The following PPM1E variants were observed in gnomAD, a reference collection of about 807,000 sequenced individuals.
PPM1E encodes protein phosphatase, Mg2+/Mn2+ dependent 1E, also known as protein phosphatase 1E.
Under a neutral mutation model 65.9 loss-of-function variants are expected in PPM1E, and 20 were observed. The ratio of observed to expected loss-of-function variants is 0.30; its 90% CI spans 0.21 to 0.44. The LOEUF is 0.44. Ranked by LOEUF, PPM1E falls within the 20% of genes least tolerant of loss-of-function variation. PPM1E has a pLI of 1.00. For missense variants in PPM1E, 713 were observed against 953.1 expected, an observed-to-expected ratio of 0.75 and a Z score of 3.32; for synonymous variants, 352 against 374.9, an observed-to-expected ratio of 0.94 and a Z score of 0.70.
chr17:58,880,094 A>C (rs922842159), intron 1 of PPM1E, among the ~76,000 whole-genome samples: 2 of 152,218 alleles, frequency 1.3e-5, no homozygotes, highest in African/African-American at 4.8e-5. Flanking sequence ...GTGAAAAAGC[A>C]GCTAAATTGT....
Position 58,755,936 on chromosome 17 carries a change from C to G in PPM1E, c.-62C>G. ...CCGGAGCCCTAGGCTCAAAAGCAGCCCCTTACCCTTCCTGGGCTTCCCCCA... is the reference window on the plus strand; with the variant it reads ...CCGGAGCCCTAGGCTCAAAAGCAGCGCCTTACCCTTCCTGGGCTTCCCCCA... On this transcript the variant is annotated 5_prime_UTR_variant, in exon 1 of 7. Coordinates refer to ENST00000308249, the MANE Select transcript of PPM1E (RefSeq NM_014906.5). The G allele has an allele frequency of 6.2e-7, 1 of 1,607,164 alleles. No homozygotes were observed.
At chr17:58,852,693 T>G (rs944595869) in intron 1 of PPM1E, among the ~76,000 whole-genome samples, 1 of 150,962 alleles carries the variant, frequency 6.6e-6, no homozygotes, top group Non-Finnish European at 1.5e-5. Flanking sequence ...AACTTCCACC[T>G]CCTGGGTTCA....
intron 1 of PPM1E, among the ~76,000 whole-genome samples, chr17:58,850,355 C>T (rs1207311342): frequency 6.6e-6 from 1 of 152,174 alleles, no homozygotes; most frequent in East Asian, 1.9e-4. Context: ...TTAGTTGATG[C>T]AGTTTCTTCC....
intron 1 of PPM1E, among the ~76,000 whole-genome samples, chr17:58,841,521 C>CTTT (rs34826804): frequency 2.0e-5 from 2 of 99,022 alleles, no homozygotes; most frequent in Non-Finnish European, 2.4e-5. Flanking sequence ...AAAACAAATA[C>CTTT]TTTTTTTTTT....
chr17:58,897,546 C>A (rs981167133), intron 1 of PPM1E, among the ~76,000 whole-genome samples: 2 of 152,170 alleles, frequency 1.3e-5, no homozygotes, highest in African/African-American at 4.8e-5. Context: ...CCCCATTCTG[C>A]AGACCATGGA....
chr17:58,868,034 G>A (rs139927571), intron 1 of PPM1E, among the ~76,000 whole-genome samples: 14 of 152,254 alleles, frequency 9.2e-5, no homozygotes, highest in African/African-American at 9.6e-5. Context: ...GTGTCATTAA[G>A]AGCTTGTGTT....
At chr17:58,910,812 T>G (rs2051618441) in intron 1 of PPM1E, among the ~76,000 whole-genome samples, 1 of 152,156 alleles carries the variant, frequency 6.6e-6, no homozygotes. Context: ...TCAGTTAGGC[T>G]CTGATAAACC....
chr17:58,967,049 C>T lies in PPM1E; in HGVS notation c.783+1156C>T, dbSNP rs144290926. On this transcript the variant is annotated intron_variant, in intron 3 of 6. Coordinates refer to ENST00000308249, the MANE Select transcript of PPM1E (RefSeq NM_014906.5). ...TCATATTTGGGGCATTGTTGTTGTT[C>T]GTTGACTTCCTTGGTTTCTGTTTTG... 4.5e-3 allele frequency among the ~76,000 whole-genome samples: 690 copies of T among 152,230 alleles called. 3 individuals are homozygous for T. Among genetic ancestry groups the T allele is most frequent in the African/African-American group, 0.016 (648 of 41,546 alleles).
intron 1 of PPM1E, among the ~76,000 whole-genome samples, chr17:58,805,964 AAAAAAAAAACAAAAAAAAAAC>A (rs2050304248): frequency 1.7e-5 from 2 of 115,220 alleles, no homozygotes; most frequent in Admixed American, 8.0e-5. Flanking sequence ...AAAAAAACAA[AAAAAAAAAACAAAAAAAAAAC>A]AAAACAAAAC....
chr17:58,941,724 G>T (rs985695072), intron 1 of PPM1E, among the ~76,000 whole-genome samples: 12 of 148,174 alleles, frequency 8.1e-5, no homozygotes, highest in Admixed American at 6.1e-4. Flanking sequence ...CTGGTCATAG[G>T]CCGGGCATGG....
At chr17:58,781,692 A>G (rs2050051237) in intron 1 of PPM1E, among the ~76,000 whole-genome samples, 1 of 151,872 alleles carries the variant, frequency 6.6e-6, no homozygotes, top group South Asian at 2.1e-4. Flanking sequence ...ACCTGAGGTC[A>G]GAGTTCCATA....
intron 6 of PPM1E, among the ~76,000 whole-genome samples, chr17:58,973,930 C>T (rs1397896212): frequency 9.6e-5 from 11 of 115,116 alleles, no homozygotes; most frequent in African/African-American, 3.1e-4. Flanking sequence ...CCAGGCTGGG[C>T]GACAGAGCGA....
At chr17:58,936,324 G>A (rs2051979807) in intron 1 of PPM1E, among the ~76,000 whole-genome samples, 1 of 152,250 alleles carries the variant, frequency 6.6e-6, no homozygotes, top group Middle Eastern at 3.4e-3. Context: ...TAACTGGGAT[G>A]AGGGGATGAT....
intron 1 of PPM1E, among the ~76,000 whole-genome samples, chr17:58,848,190 T>A (rs911087956): frequency 2.6e-5 from 4 of 152,154 alleles, no homozygotes; most frequent in African/African-American, 9.7e-5. Flanking sequence ...CGGTGGGGTT[T>A]TCTAAATATA....
In PPM1E at chr17:58,756,320, C is replaced by G; in HGVS notation, c.323C>G (p.Ala108Gly). ...EEEGAATAAA[A>G]PGHSAVPPPP... ...GAGGGCGCGGCGACGGCGGCGGCAG[C>G]CCCGGGGCACTCGGCCGTGCCGCCG... Residue 108 changes from alanine to glycine, a missense_variant, in exon 1 of 7, where the codon GCC becomes GGC. Coordinates refer to ENST00000308249, the MANE Select transcript of PPM1E (RefSeq NM_014906.5). The G allele has an allele frequency of 6.8e-7, 1 of 1,476,498 alleles. No individual in the cohort carries two copies. The highest frequency in any genetic ancestry group is 9.0e-7 in the Non-Finnish European group (1 of 1,116,738). 91.5% of individuals were successfully genotyped at this position (1,476,498 alleles called of 1,614,324 possible). A position where few individuals can be genotyped will look rare whatever the true frequency, so the allele number is the denominator to read the frequency against.
At chr17:58,892,495 C>T (rs2051360055) in intron 1 of PPM1E, among the ~76,000 whole-genome samples, 1 of 152,008 alleles carries the variant, frequency 6.6e-6, no homozygotes, top group South Asian at 2.1e-4. Context: ...ATTGCCTGAG[C>T]CCAATAATTG....
intron 1 of PPM1E, among the ~76,000 whole-genome samples, chr17:58,890,235 C>T (rs533044431): frequency 2.6e-5 from 4 of 152,138 alleles, no homozygotes; most frequent in African/African-American, 7.2e-5. Flanking sequence ...GAACTCAAGG[C>T]CAAGAGTTAA....
At chr17:58,876,891 C>T (rs1355326932) in intron 1 of PPM1E, among the ~76,000 whole-genome samples, 2 of 152,138 alleles carry the variant, frequency 1.3e-5, no homozygotes, top group African/African-American at 4.8e-5. Flanking sequence ...TGGGGCCATT[C>T]TCCTGCCTCA....
At chr17:58,777,181 C>G (rs1207371714) in intron 1 of PPM1E, among the ~76,000 whole-genome samples, 2 of 152,140 alleles carry the variant, frequency 1.3e-5, no homozygotes, top group Non-Finnish European at 2.9e-5. Flanking sequence ...AACCATTCAA[C>G]CACCATTGAA....
Sources: allele counts gnomAD v4.1 joint callset (sites outside exome capture counted in the v4.1 genomes callset), GRCh38; gene constraint gnomAD v4.1.1; transcripts MANE v1.5; gene names NCBI Gene and HGNC (gene_info 2026-07-23, HGNC 2026-07-21).